Variants in ZFX observed in about 807,000 individuals in gnomAD.
ZFX encodes the protein zinc finger protein X-linked.
For missense variants in ZFX, 362 were observed against 628.3 expected, an observed-to-expected ratio of 0.58 and a Z score of 4.53; for synonymous variants, 196 against 226.8, an observed-to-expected ratio of 0.86 and a Z score of 1.22.
chrX:24,186,713 A>G (rs1936142205), intron 5 of ZFX, among the ~76,000 whole-genome samples: 1 of 112,039 alleles, frequency 8.9e-6, no homozygotes, highest in African/African-American at 3.2e-5. Flanking sequence ...ATGGTTGTGT[A>G]TATAGACACA....
chrX:24,173,685 A>C (rs192524445), intron 4 of ZFX: 15 of 652,652 alleles, frequency 2.3e-5, no homozygotes, highest in Non-Finnish European at 3.4e-5. Flanking sequence ...TCCCAGGCTC[A>C]AGTGATCTGC....
At position 24,168,470 on chromosome X, in the gene ZFX, A is replaced by G. The variant is rs1285118345; in HGVS notation, c.-28-4245A>G. Among the ~76,000 whole-genome samples, 9 of 110,866 alleles carry G rather than the reference A, an allele frequency of 8.1e-5. No individual in the cohort carries two copies. The Admixed American group carries it at 8.6e-4, about 11-fold the overall frequency. Reference sequence around the variant, plus strand: ...AAAATATATAAAACAAATAAATTATATCTGTGATCCCTAATTTAAGATAGA... The same window carrying G: ...AAAATATATAAAACAAATAAATTATGTCTGTGATCCCTAATTTAAGATAGA... On this transcript the variant is annotated intron_variant, in intron 3 of 9. Transcript: ENST00000304543.
Position 24,208,309 on chromosome X carries a change from G to T in ZFX, c.1032G>T (p.Glu344Asp). ...CAGCGGCAGCCGCCGCCGTGCACGAGCAGCAAATGGATGACAATGAAATCA... is the reference window on the plus strand; with the variant it reads ...CAGCGGCAGCCGCCGCCGTGCACGATCAGCAAATGGATGACAATGAAATCA... The part of the protein sequence containing the change: ...AAAAAAAAVH[E>D]QQMDDNEIKT... Residue 344 changes from glutamate (E) to aspartate (D), a missense_variant, in exon 8 of 10, where the codon GAG (glutamate) becomes GAT (aspartate). By Grantham distance (45) the Glu-to-Asp change is conservative (BLOSUM62 2). Coordinates refer to ENST00000304543, the MANE Select transcript of ZFX (RefSeq NM_003410.4). 8.3e-7 allele frequency: 1 copy of T among 1,210,642 alleles called. No homozygotes were observed. The highest frequency in any genetic ancestry group is 1.7e-5 in the African/African-American group (1 of 57,903).
intron 3 of ZFX, among the ~76,000 whole-genome samples, chrX:24,165,324 T>C (rs1933898459): frequency 1.8e-5 from 2 of 112,083 alleles, no homozygotes; most frequent in African/African-American, 6.5e-5. Flanking sequence ...TTTCACTATC[T>C]TGGCCAGGAT....
Position 24,198,905 on chromosome X carries a change from A to C in ZFX, c.647-8421A>C, listed in dbSNP as rs960439313. ...GGAGACAGGTCTAGAGTGGAGATGT[A>C]AATTTGGGAGTTGTTGGTACATAGA... On this transcript the variant is annotated intron_variant, in intron 5 of 9. Coordinates refer to ENST00000304543, the MANE Select transcript of ZFX (RefSeq NM_003410.4). Among the ~76,000 whole-genome samples, 8 of 111,686 alleles carry C rather than the reference A, an allele frequency of 7.2e-5. No homozygotes were observed. The East Asian group carries it at 1.7e-3, about 24-fold the overall frequency.
chrX:24,162,613 C>T (rs975924200), intron 3 of ZFX, among the ~76,000 whole-genome samples: 1 of 111,786 alleles, frequency 8.9e-6, no homozygotes, highest in Non-Finnish European at 1.9e-5. Context: ...AAAGTGATAA[C>T]TGACATCATT....
intron 4 of ZFX, among the ~76,000 whole-genome samples, chrX:24,174,936 A>C (rs1934995509): frequency 9.1e-6 from 1 of 109,364 alleles, no homozygotes; most frequent in Admixed American, 9.8e-5. Flanking sequence ...GTCTCGAACA[A>C]GTGCTCCTCC....
chrX:24,170,608 ATTTTTTTT>A (rs1217226048), intron 3 of ZFX, among the ~76,000 whole-genome samples: 1 of 85,955 alleles, frequency 1.2e-5, no homozygotes, highest in African/African-American at 4.3e-5. Context: ...TTTTTCTTTA[ATTTTTTTT>A]TTTTTTTTTT....
At position 24,213,476 on chromosome X, in the gene ZFX, A is replaced by C. The variant is rs992521440; in HGVS notation, c.*2100A>C. On this transcript the variant is annotated 3_prime_UTR_variant, in exon 10 of 10. Transcript: ENST00000304543. ...CTCTTTGCCATTGATGTTTGTATTC[A>C]AGAGTTATATTTTTAGGGTTAGAAA... The C allele has an allele frequency of 3.6e-5, 4 of 111,038 alleles. No individual in the cohort carries two copies. The highest frequency in any genetic ancestry group is 9.9e-5 in the African/African-American group (3 of 30,441). 9.2% of individuals were successfully genotyped at this position (111,038 alleles called of 1,213,427 possible). A position where few individuals can be genotyped will look rare whatever the true frequency, so the allele number is the denominator to read the frequency against.
intron 3 of ZFX, among the ~76,000 whole-genome samples, chrX:24,154,644 A>T (rs1932601317): frequency 8.9e-6 from 1 of 111,925 alleles, no homozygotes. Context: ...TGCATGACAT[A>T]TGATGTCATA....
chrX:24,207,265 G>A (rs771880993), intron 5 of ZFX, 61 bp from the exon 6 acceptor site: 14 of 895,008 alleles, frequency 1.6e-5, no homozygotes, highest in African/African-American at 1.1e-4. Context: ...TTTTTTTTGC[G>A]AATAGTAACA....
In ZFX at chrX:24,201,546, CAA is replaced by C. The variant is rs751824005; in HGVS notation, c.647-5777_647-5776del. Among the ~76,000 whole-genome samples the C allele has an allele frequency of 5.1e-3, 573 of 112,311 alleles. 7 individuals are homozygous for C. The highest frequency in any genetic ancestry group is 0.018 in the African/African-American group (555 of 30,990). On this transcript the variant is annotated intron_variant, in intron 5 of 9. Transcript: ENST00000304543. ...TAGAATCAGTTTTGACAAGCCTTGTCAAAAGAGGCCAGCTTTATCAACAACAT... is the reference window on the plus strand; with the variant it reads ...TAGAATCAGTTTTGACAAGCCTTGTCAAGAGGCCAGCTTTATCAACAACAT...
chrX:24,165,167 C>T (rs988591517), intron 3 of ZFX, among the ~76,000 whole-genome samples: 1 of 112,298 alleles, frequency 8.9e-6, no homozygotes, highest in African/African-American at 3.2e-5. Context: ...TATCACCAGG[C>T]TGGAGTGCAG....
intron 3 of ZFX, among the ~76,000 whole-genome samples, chrX:24,169,730 A>G (rs1385450302): frequency 1.8e-5 from 2 of 111,234 alleles, no homozygotes; most frequent in African/African-American, 3.3e-5. Context: ...AGAATATTCA[A>G]CAGTCTGTTG....
intron 4 of ZFX, among the ~76,000 whole-genome samples, chrX:24,176,273 A>G (rs189932782): frequency 0.057 from 6,271 of 109,219 alleles, 506 homozygotes; most frequent in African/African-American, 0.2. Context: ...TCCTGACCTC[A>G]GGTGATTCGC....
chrX:24,173,774 G>A, intron 4 of ZFX: 3 of 342,965 alleles, frequency 8.7e-6, no homozygotes, highest in Non-Finnish European at 1.5e-5. Context: ...TTTTTTTTTT[G>A]GGTAGTGACG....
chrX:24,208,348 G>A lies in ZFX; in HGVS notation c.1071G>A (p.Pro357=), dbSNP rs371795466. Residue 357 remains proline (P), a synonymous_variant, in exon 8 of 10, where the codon CCG becomes CCA. Coordinates refer to ENST00000304543, the MANE Select transcript of ZFX (RefSeq NM_003410.4). ...ACAATGAAATCAAAACCTTCATGCC[G>A]ATTGCATGGGCAGCAGCTTATGGTA... ...MDDNEIKTFM[P]IAWAAAYGNN... 5.8e-6 allele frequency: 7 copies of A among 1,210,075 alleles called. No homozygotes were observed. The highest frequency in any genetic ancestry group is 5.2e-5 in the African/African-American group (3 of 57,873).
At chrX:24,168,494 G>A (rs1934220284) in intron 3 of ZFX, among the ~76,000 whole-genome samples, 2 of 107,676 alleles carry the variant, frequency 1.9e-5, no homozygotes, top group Admixed American at 1.9e-4. Context: ...ATTTAAGATA[G>A]ATAAAATGCC....
rs539403251 is a variant in ZFX at position 24,211,441 on chromosome X, A to G, written c.*65A>G. The G allele has an allele frequency of 9.8e-5, 107 of 1,096,946 alleles. No individual in the cohort carries two copies. The African/African-American group carries it at 1.4e-3, about 15-fold the overall frequency. 90.4% of individuals were successfully genotyped at this position (1,096,946 alleles called of 1,213,427 possible). ...AAGCAGAAAATTCATTTTAAAGCCA[A>G]TCAGTCTCATTCACATACAATACTG... On this transcript the variant is annotated 3_prime_UTR_variant, in exon 10 of 10. Coordinates refer to ENST00000304543, the MANE Select transcript of ZFX (RefSeq NM_003410.4).
Sources: gnomAD v4.1 joint callset for allele counts (sites outside exome capture counted in the v4.1 genomes callset) on GRCh38, gnomAD v4.1.1 for gene constraint, MANE v1.5 for transcripts, NCBI Gene and HGNC (gene_info 2026-07-23, HGNC 2026-07-21) for gene names.